Variants in TSNARE1 observed in about 807,000 individuals in gnomAD.
TSNARE1 encodes t-SNARE domain-containing protein 1.
A neutral mutation model predicts 62.0 loss-of-function variants in TSNARE1; 49 were observed. That is an observed-to-expected ratio of 0.79 (90% CI 0.63 to 1.00). The LOEUF (loss-of-function observed/expected upper bound fraction) is 1.00. Ranked by LOEUF, TSNARE1 falls within the 50% of genes least tolerant of loss-of-function variation. The pLI is 0.00. For synonymous variants in TSNARE1, 328 were observed against 294.4 expected (o/e 1.11, Z -1.17); for missense variants, 755 against 700.1 (o/e 1.08, Z -0.88).
intron 12 of TSNARE1, chr8:142,271,222 G>C: frequency 1.0e-6 from 1 of 1,004,668 alleles, no homozygotes; most frequent in Non-Finnish European, 1.2e-6. Context: ...CCTGGAGTGA[G>C]GGTGAGGCTT....
intron 12 of TSNARE1, among the ~76,000 whole-genome samples, chr8:142,230,730 C>T (rs1817061901): frequency 6.6e-6 from 1 of 152,084 alleles, no homozygotes; most frequent in Non-Finnish European, 1.5e-5. Context: ...CCCTCTGGGT[C>T]ATCAGTTAAA....
intron 2 of TSNARE1, among the ~76,000 whole-genome samples, chr8:142,349,446 T>A (rs543298981): frequency 1.3e-5 from 2 of 152,258 alleles, no homozygotes; most frequent in Non-Finnish European, 2.9e-5. Flanking sequence ...GTGGTAAATA[T>A]TCAATCTGGG....
At chr8:142,254,701 C>T (rs1290563860) in intron 12 of TSNARE1, among the ~76,000 whole-genome samples, 1 of 152,230 alleles carries the variant, frequency 6.6e-6, no homozygotes, top group Non-Finnish European at 1.5e-5. Flanking sequence ...CGAACCCTGG[C>T]CTCACCACCT....
chr8:142,290,727 G>A (rs1392736295), intron 10 of TSNARE1, among the ~76,000 whole-genome samples: 2 of 152,254 alleles, frequency 1.3e-5, no homozygotes, highest in Non-Finnish European at 2.9e-5. Context: ...GCTGTGCAAT[G>A]CCAACCACAG....
chr8:142,296,736 C>G (rs1181536864), intron 10 of TSNARE1, among the ~76,000 whole-genome samples: 11 of 151,886 alleles, frequency 7.2e-5, no homozygotes, highest in Non-Finnish European at 1.3e-4. Flanking sequence ...ATGCTCAGAT[C>G]AGGGCAGGGT....
At chr8:142,330,297 C>T (rs929574668) in intron 6 of TSNARE1, among the ~76,000 whole-genome samples, 2 of 152,180 alleles carry the variant, frequency 1.3e-5, no homozygotes, top group African/African-American at 2.4e-5. Flanking sequence ...CCCCCGCTCC[C>T]CAGCCCAGCC....
intron 1 of TSNARE1, 190 bp downstream of exon 1, chr8:142,402,914 G>A (rs1447912512): frequency 1.3e-5 from 2 of 148,478 alleles, no homozygotes; most frequent in African/African-American, 4.9e-5. Context: ...GTCCACCCCC[G>A]GCACGGTCCC....
intron 1 of TSNARE1, among the ~76,000 whole-genome samples, chr8:142,379,633 G>A (rs951943271): frequency 6.6e-6 from 1 of 152,170 alleles, no homozygotes; most frequent in African/African-American, 2.4e-5. Context: ...TCTGCCTGAC[G>A]GGGAGGCGCG....
chr8:142,250,356 TGG>T (rs994185078), intron 12 of TSNARE1, among the ~76,000 whole-genome samples: 1 of 152,178 alleles, frequency 6.6e-6, no homozygotes, highest in African/African-American at 2.4e-5. Context: ...TAGAGCTCCT[TGG>T]GGTGCGAGGT....
At chr8:142,252,946 C>T (rs777158816) in intron 12 of TSNARE1, among the ~76,000 whole-genome samples, 3 of 152,216 alleles carry the variant, frequency 2.0e-5, no homozygotes, top group Non-Finnish European at 2.9e-5. Flanking sequence ...GCCTGCTCTG[C>T]GTCCACTCCG....
At chr8:142,329,910 CTG>C (rs2131986940) in intron 6 of TSNARE1, among the ~76,000 whole-genome samples, 1 of 152,376 alleles carries the variant, frequency 6.6e-6, no homozygotes, top group South Asian at 2.1e-4. Context: ...GTGCGTGAGG[CTG>C]TGTGGCAGGC....
chr8:142,316,744 C>T (rs1828579592), intron 7 of TSNARE1, among the ~76,000 whole-genome samples: 1 of 151,864 alleles, frequency 6.6e-6, no homozygotes, highest in South Asian at 2.1e-4. Context: ...CAAACAGAAC[C>T]ATACACTGTG....
chr8:142,230,517 A>G (rs537178616), intron 12 of TSNARE1, among the ~76,000 whole-genome samples: 3 of 152,128 alleles, frequency 2.0e-5, no homozygotes, highest in Non-Finnish European at 4.4e-5. Context: ...GGTAGAAAAG[A>G]GATCTGAGAC....
chr8:142,226,405 G>A (rs4976973), intron 13 of TSNARE1, among the ~76,000 whole-genome samples: 139,379 of 152,234 alleles, frequency 0.92, 63,937 homozygotes, highest in African/African-American at 0.97. Context: ...TCGAGCTACG[G>A]TTGGCGCCTC....
chr8:142,267,872 T>C (rs976212250), intron 12 of TSNARE1, among the ~76,000 whole-genome samples: 2 of 152,232 alleles, frequency 1.3e-5, no homozygotes. Context: ...CCATCTGGGA[T>C]AGGTCGGCAA....
intron 12 of TSNARE1, among the ~76,000 whole-genome samples, chr8:142,249,237 G>A (rs1281380763): frequency 2.0e-5 from 3 of 152,218 alleles, no homozygotes; most frequent in Non-Finnish European, 4.4e-5. Context: ...GACGTCATCC[G>A]GACGGGGTGA....
At chr8:142,379,242 G>A (rs538319193) in intron 1 of TSNARE1, among the ~76,000 whole-genome samples, 19 of 152,334 alleles carry the variant, frequency 1.2e-4, no homozygotes, top group South Asian at 2.1e-4. Flanking sequence ...AGGACAGACC[G>A]TCCGTCACGG....
At chr8:142,249,815 G>A (rs766023049) in intron 12 of TSNARE1, among the ~76,000 whole-genome samples, 2 of 152,218 alleles carry the variant, frequency 1.3e-5, no homozygotes, top group African/African-American at 2.4e-5. Flanking sequence ...TGATGTCTTC[G>A]AGAGAGCTGG....
intron 12 of TSNARE1, among the ~76,000 whole-genome samples, chr8:142,259,364 G>A (rs1818744412): frequency 6.6e-6 from 1 of 152,162 alleles, no homozygotes; most frequent in South Asian, 2.1e-4. Flanking sequence ...TCTGTAGACA[G>A]GAAAGGGCAC....
Sources: gnomAD v4.1 joint callset for allele counts (sites outside exome capture counted in the v4.1 genomes callset) on GRCh38, gnomAD v4.1.1 for gene constraint, MANE v1.5 for transcripts, NCBI Gene and HGNC (gene_info 2026-07-23, HGNC 2026-07-21) for gene names.